The following HMX1 variants were observed in gnomAD, a reference collection of about 807,000 sequenced individuals.
HMX1 encodes the protein H6 family homeobox 1, also known as homeobox protein HMX1.
A neutral mutation model predicts 8.9 loss-of-function variants in HMX1; 8 were observed. The observed-to-expected ratio is 0.90, with a 90% confidence interval of 0.53 to 1.63. The LOEUF is 1.63. Ranked by LOEUF, HMX1 falls within the 40% of genes most tolerant of loss-of-function variation. HMX1 has a pLI of 0.00. For synonymous variants in HMX1, 311 were observed against 283.4 expected (o/e 1.10, Z -0.98); for missense variants, 621 against 558.5 (o/e 1.11, Z -1.13).
chr4:8,855,452 C>T (rs1216378814), intron 1 of HMX1, among the ~76,000 whole-genome samples: 2 of 152,188 alleles, frequency 1.3e-5, no homozygotes, highest in Non-Finnish European at 2.9e-5. Flanking sequence ...AGGGAGGCAA[C>T]GATGGGTGGA....
downstream of HMX1, among the ~76,000 whole-genome samples, chr4:8,866,150 G>T (rs1721988569): frequency 6.6e-6 from 1 of 152,200 alleles, no homozygotes; most frequent in Admixed American, 6.5e-5. Flanking sequence ...GGGCTTGGAG[G>T]ACATGATTCT....
exon 2 of HMX1, chr4:8,846,265 C>G: frequency 1.3e-6 from 2 of 1,535,308 alleles, no homozygotes; most frequent in Middle Eastern, 3.4e-4. Flanking sequence ...TTGTATTTAT[C>G]AGCTCTGGTC....
chr4:8,866,205 C>T (rs1721990032), downstream of HMX1, among the ~76,000 whole-genome samples: 2 of 152,174 alleles, frequency 1.3e-5, no homozygotes, highest in Non-Finnish European at 2.9e-5. Context: ...CACTGACCCC[C>T]AGGCCCACTG....
downstream of HMX1, among the ~76,000 whole-genome samples, chr4:8,863,160 A>ACAG (rs1560178563): frequency 1.3e-5 from 2 of 152,172 alleles, no homozygotes; most frequent in African/African-American, 4.8e-5. Context: ...GCGGGGAGGA[A>ACAG]CAGCAGCAGC....
At chr4:8,860,941 C>T (rs1234105513) in intron 1 of HMX1, 1 of 136,064 alleles carries the variant, frequency 7.3e-6, no homozygotes, top group South Asian at 2.4e-4. Flanking sequence ...AGAGAGACGC[C>T]AGGTGAGCCG....
chr4:8,850,429 A>G (rs1721411176), intron 1 of HMX1, among the ~76,000 whole-genome samples: 1 of 151,976 alleles, frequency 6.6e-6, no homozygotes, highest in Non-Finnish European at 1.5e-5. Context: ...GGCCCCTCCA[A>G]GCACTGTCCC....
chr4:8,859,176 C>G (rs1438193887), intron 1 of HMX1: 1 of 151,206 alleles, frequency 6.6e-6, no homozygotes, highest in African/African-American at 2.5e-5. Context: ...GAGGCGGGCT[C>G]GCTCCAAGGC....
intron 1 of HMX1, among the ~76,000 whole-genome samples, chr4:8,861,254 C>G (rs1408394194): frequency 6.6e-6 from 1 of 152,008 alleles, no homozygotes; most frequent in Non-Finnish European, 1.5e-5. Flanking sequence ...AGGCAGGGCC[C>G]GGACCAGAAG....
At chr4:8,865,490 C>T (rs756827055), downstream of HMX1, among the ~76,000 whole-genome samples, 38 of 152,136 alleles carry the variant, frequency 2.5e-4, no homozygotes, top group Admixed American at 3.3e-4. Context: ...GTGTGGGACT[C>T]GGAGGCTCCG....
intron 1 of HMX1, among the ~76,000 whole-genome samples, chr4:8,851,901 C>T (rs1721459332): frequency 6.6e-6 from 1 of 152,264 alleles, no homozygotes; most frequent in South Asian, 2.1e-4. Context: ...CGAGGCCAGG[C>T]AGCGGGCTGG....
Position 8,852,872 on chromosome 4 carries a change from C to T in HMX1, c.395-6548G>A, listed in dbSNP as rs570062225. ...GCTATCTCTAAAAGCTGAGAGGAGG[C>T]CCACCTTTGCCTCTTGCCCTTCCCC... On this transcript the variant is annotated intron_variant, in intron 1 of 1. Coordinates refer to the HMX1 transcript ENST00000506970. 6.6e-5 allele frequency among the ~76,000 whole-genome samples: 10 copies of T among 152,274 alleles called. No individual in the cohort carries two copies. In the East Asian group the frequency reaches 1.5e-3, roughly 24 times the overall value.
At chr4:8,851,222 T>C (rs1431153840) in intron 1 of HMX1, among the ~76,000 whole-genome samples, 1 of 152,190 alleles carries the variant, frequency 6.6e-6, no homozygotes, top group Non-Finnish European at 1.5e-5. Context: ...GGCTGGGATC[T>C]GAAGAGGGTT....
At chr4:8,850,895 A>G (rs551754914) in intron 1 of HMX1, among the ~76,000 whole-genome samples, 2 of 152,280 alleles carry the variant, frequency 1.3e-5, no homozygotes, top group South Asian at 2.1e-4. Flanking sequence ...CAGTGCCCAC[A>G]TGTGCTGGGT....
At chr4:8,861,479 C>G (rs996829086) in intron 1 of HMX1, among the ~76,000 whole-genome samples, 1 of 152,170 alleles carries the variant, frequency 6.6e-6, no homozygotes, top group African/African-American at 2.4e-5. Flanking sequence ...GGGTAGGGAA[C>G]GACGGGGGAG....
At chr4:8,866,022 A>G (rs1721984532), downstream of HMX1, among the ~76,000 whole-genome samples, 1 of 152,150 alleles carries the variant, frequency 6.6e-6, no homozygotes, top group Non-Finnish European at 1.5e-5. Context: ...GTCATGACAC[A>G]GGGCCTGGAA....
chr4:8,851,430 G>A (rs567491458), intron 1 of HMX1, among the ~76,000 whole-genome samples: 6 of 152,322 alleles, frequency 3.9e-5, no homozygotes, highest in African/African-American at 1.4e-4. Context: ...CACCCCAAGG[G>A]GCAGCTGAGA....
downstream of HMX1, among the ~76,000 whole-genome samples, chr4:8,866,060 A>G (rs1721985472): frequency 6.6e-6 from 1 of 152,130 alleles, no homozygotes; most frequent in Non-Finnish European, 1.5e-5. Flanking sequence ...GCGGGCCCAG[A>G]GGCTGAAGGA....
chr4:8,852,154 C>T (rs1577192322), intron 1 of HMX1, among the ~76,000 whole-genome samples: 1 of 152,362 alleles, frequency 6.6e-6, no homozygotes, highest in Non-Finnish European at 1.5e-5. Flanking sequence ...ATTCAATGGG[C>T]AATCACTCAT....
At position 8,867,891 on chromosome 4, in the gene HMX1, C is replaced by A; in HGVS notation, c.849G>T (p.Pro283=). The A allele has an allele frequency of 7.3e-7, 1 of 1,361,178 alleles. No homozygotes were observed. The highest frequency in any genetic ancestry group is 9.5e-7 in the Non-Finnish European group (1 of 1,055,192). 84.3% of individuals were successfully genotyped at this position (1,361,178 alleles called of 1,614,324 possible). Reference sequence around the variant, plus strand: ...CCGGGGGGCTTTCGTGGTAGAGCACCGGCACGCGGACCAGGCGCTGCGCTC... The same window carrying A: ...CCGGGGGGCTTTCGTGGTAGAGCACAGGCACGCGGACCAGGCGCTGCGCTC... ...PPGAQRLVRV[P]VLYHESPPAA... Residue 283 remains proline, a synonymous_variant, in exon 2 of 2, where the codon CCG becomes CCT. Coordinates refer to ENST00000400677, the MANE Select transcript of HMX1 (RefSeq NM_018942.3).
Sources: gnomAD v4.1 joint callset for allele counts (sites outside exome capture counted in the v4.1 genomes callset) on GRCh38, gnomAD v4.1.1 for gene constraint, MANE v1.5 for transcripts, NCBI Gene and HGNC (gene_info 2026-07-23, HGNC 2026-07-21) for gene names.